The following LAMC2 variants were observed in gnomAD, a reference collection of about 807,000 sequenced individuals.
LAMC2 encodes laminin subunit gamma 2.
In LAMC2, 97 loss-of-function variants were observed where a neutral mutation model predicts 140.2. That is an observed-to-expected ratio of 0.69 (90% CI 0.59 to 0.82). The LOEUF is 0.82. LAMC2 is among the 40% of genes least tolerant of loss of function. The probability of loss-of-function intolerance (pLI) is 0.00; values close to 1 mark genes in which losing one functional copy is unlikely to be tolerated. For missense variants in LAMC2, 1,402 were observed against 1,476.1 expected (o/e 0.95, Z 0.82); for synonymous variants, 513 against 540.2 (o/e 0.95, Z 0.70).
At position 183,244,733 on chromosome 1, in the gene LAMC2, T is replaced by C. The variant is rs1660206866; in HGVS notation, c.*1333T>C. On this transcript the variant is annotated 3_prime_UTR_variant, in exon 23 of 23. Coordinates refer to ENST00000264144, the MANE Select transcript of LAMC2 (RefSeq NM_005562.3). ...TGCATTCCAGCTGTCACTCTGTGCC[T>C]TTCTACAACTGATTGCAACAGACTG... 1 of 152,654 alleles carries C rather than the reference T, an allele frequency of 6.6e-6. No homozygotes were observed. Among genetic ancestry groups the C allele is most frequent in the Non-Finnish European group, 1.5e-5 (1 of 68,042 alleles). The allele number at this position is 152,654 out of a possible 1,614,324, so 9.5% of individuals were successfully genotyped here. A position where few individuals can be genotyped will look rare whatever the true frequency, so the allele number is the denominator to read the frequency against.
chr1:183,187,900 A>C (rs1658203307), intron 1 of LAMC2, among the ~76,000 whole-genome samples: 1 of 152,256 alleles, frequency 6.6e-6, no homozygotes, highest in South Asian at 2.1e-4. Context: ...GAGCCACATT[A>C]TAAAAGTAAT....
At chr1:183,216,140 A>C (rs1052960923) in intron 3 of LAMC2, among the ~76,000 whole-genome samples, 16 of 152,082 alleles carry the variant, frequency 1.1e-4, no homozygotes, top group African/African-American at 3.9e-4. Context: ...TTGGCAGTGA[A>C]GCATTGGGCA....
At chr1:183,195,514 C>G (rs1364807985) in intron 1 of LAMC2, among the ~76,000 whole-genome samples, 1 of 152,174 alleles carries the variant, frequency 6.6e-6, no homozygotes, top group East Asian at 1.9e-4. Flanking sequence ...GCACTTCCTG[C>G]CTCAGCCTTA....
chr1:183,236,893 GT>G (rs1302047551), intron 17 of LAMC2, among the ~76,000 whole-genome samples: 1 of 152,090 alleles, frequency 6.6e-6, no homozygotes, highest in Non-Finnish European at 1.5e-5. Flanking sequence ...TTTTTATAAA[GT>G]TTTTTTGTTT....
intron 1 of LAMC2, among the ~76,000 whole-genome samples, chr1:183,206,075 A>G (rs1658875692): frequency 6.6e-6 from 1 of 152,190 alleles, no homozygotes; most frequent in South Asian, 2.1e-4. Flanking sequence ...AGTCAGACAC[A>G]TCTGGGAGCA....
At chr1:183,218,543 A>G (rs1267537822) in intron 4 of LAMC2, 55 bp downstream of exon 4, 3 of 1,241,914 alleles carry the variant, frequency 2.4e-6, no homozygotes, top group Non-Finnish European at 3.5e-6. Flanking sequence ...GCCAACTAGC[A>G]TGAGAATTAA....
chr1:183,234,536 C>A, intron 15 of LAMC2, 90 bp downstream of exon 15: 1 of 1,003,054 alleles, frequency 1.0e-6, no homozygotes. Flanking sequence ...ACCCAAGCAT[C>A]GTATTTATTC....
intron 1 of LAMC2, among the ~76,000 whole-genome samples, chr1:183,205,208 T>A (rs1053561055): frequency 2.6e-5 from 4 of 152,204 alleles, no homozygotes; most frequent in Admixed American, 1.3e-4. Context: ...GGGAGGGCAT[T>A]GGCTCATTGG....
At position 183,243,622 on chromosome 1, in the gene LAMC2, G is replaced by A; in HGVS notation, c.*222G>A. 1 of 591,878 alleles carries A rather than the reference G, an allele frequency of 1.7e-6. No individual in the cohort carries two copies. Among genetic ancestry groups the A allele is most frequent in the South Asian group, 1.9e-5 (1 of 51,570 alleles). The allele number at this position is 591,878 out of a possible 1,614,324, so 36.7% of individuals were successfully genotyped here. ...TGGGCAATGAGGCAGATAGCACTGGGTGTGAGAATGATCAAGGATCTGGAC... is the reference window on the plus strand; with the variant it reads ...TGGGCAATGAGGCAGATAGCACTGGATGTGAGAATGATCAAGGATCTGGAC... On this transcript the variant is annotated 3_prime_UTR_variant, in exon 23 of 23. Coordinates refer to ENST00000264144, the MANE Select transcript of LAMC2 (RefSeq NM_005562.3).
At chr1:183,230,911 A>T (rs1303034111) in intron 11 of LAMC2, 50 bp from the exon 12 acceptor site, 1 of 1,610,518 alleles carries the variant, frequency 6.2e-7, no homozygotes, top group Admixed American at 1.7e-5. Context: ...CTCTACCTCC[A>T]CTTTCTAGAC....
downstream of LAMC2, among the ~76,000 whole-genome samples, chr1:183,247,181 A>G (rs750741977): frequency 6.6e-6 from 1 of 152,082 alleles, no homozygotes; most frequent in Non-Finnish European, 1.5e-5. Context: ...GCATGGTGGC[A>G]GGCGCCTGTA....
chr1:183,207,779 C>A, intron 1 of LAMC2, 102 bp from the exon 2 acceptor site: 1 of 1,001,934 alleles, frequency 1.0e-6, no homozygotes, highest in Non-Finnish European at 1.6e-6. Flanking sequence ...ATATAGTACT[C>A]ATGCATAATT....
chr1:183,236,784 C>T (rs1379054294), intron 17 of LAMC2, among the ~76,000 whole-genome samples, 180 bp downstream of exon 17: 1 of 152,160 alleles, frequency 6.6e-6, no homozygotes, highest in African/African-American at 2.4e-5. Context: ...AACCACAATC[C>T]TAGTCTCTGG....
intron 7 of LAMC2, among the ~76,000 whole-genome samples, chr1:183,223,772 C>T (rs764005167): frequency 3.9e-5 from 6 of 152,132 alleles, no homozygotes; most frequent in Non-Finnish European, 7.4e-5. Context: ...TGGTTGAGCA[C>T]GAGTGAAGCA....
rs745659692 is a variant in LAMC2 at position 183,228,424 on chromosome 1, G to A, written c.1519G>A (p.Glu507Lys). The A allele has an allele frequency of 7.4e-6, 12 of 1,613,874 alleles. No homozygotes were observed. In the Admixed American group the frequency reaches 2.0e-4, roughly 27 times the overall value. Residue 507 changes from glutamate to lysine, a missense_variant, in exon 11 of 23, where the codon GAA becomes AAA. Coordinates refer to ENST00000264144, the MANE Select transcript of LAMC2 (RefSeq NM_005562.3). The surrounding 1 kb of genome is among the most constrained non-coding windows in gnomAD (Gnocchi z 4.3). ...ADGYFGDPFG[E>K]HGPVRPCQPC... ...TGGCTACTTTGGGGACCCCTTTGGT[G>A]AACATGGCCCAGTGAGGCCTTGTCA...
chr1:183,199,097 CTTTTTT>C (rs906113983), intron 1 of LAMC2, among the ~76,000 whole-genome samples: 1 of 67,624 alleles, frequency 1.5e-5, no homozygotes, highest in Non-Finnish European at 2.6e-5. Context: ...GTTGGCTTTT[CTTTTTT>C]TTTTTTTTTT....
At chr1:183,223,089 TC>T (rs1659520833) in intron 6 of LAMC2, 45 bp from the exon 7 acceptor site, 1 of 1,581,888 alleles carries the variant, frequency 6.3e-7, no homozygotes, top group African/African-American at 1.3e-5. Flanking sequence ...TGTTTGCCTC[TC>T]CAGTTTCACA....
In LAMC2 at chr1:183,223,228, A is replaced by G; in HGVS notation, c.857A>G (p.Asp286Gly). The G allele has an allele frequency of 6.2e-7, 1 of 1,614,202 alleles. No homozygotes were observed. Among genetic ancestry groups the G allele is most frequent in the Non-Finnish European group, 8.5e-7 (1 of 1,180,028 alleles). ...GGAGGCAGACACCCATCTGCCCATG[A>G]TGTGATTCTGGAAGGTGCTGGTCTA... The part of the protein sequence containing the change: ...DRGGRHPSAH[D>G]VILEGAGLRI... Residue 286 changes from aspartate (D) to glycine (G), a missense_variant, in exon 7 of 23, where the codon GAT becomes GGT. Asp to Gly is a moderately conservative substitution (Grantham distance 94). Transcript: ENST00000264144.
chr1:183,190,758 A>G (rs1658306320), intron 1 of LAMC2, among the ~76,000 whole-genome samples: 1 of 152,170 alleles, frequency 6.6e-6, no homozygotes, highest in African/African-American at 2.4e-5. Flanking sequence ...AAAATATTAT[A>G]CTTAGAAGTG....
Sources: gnomAD v4.1 joint callset for allele counts (sites outside exome capture counted in the v4.1 genomes callset) on GRCh38, gnomAD v4.1.1 for gene constraint, Gnocchi (gnomAD v3.1) non-coding constraint, MANE v1.5 for transcripts, NCBI Gene and HGNC (gene_info 2026-07-23, HGNC 2026-07-21) for gene names.